DNMT3A: variants seen among roughly 807,000 people sequenced by gnomAD.
DNMT3A encodes DNA methyltransferase 3 alpha.
In DNMT3A, 267 loss-of-function variants were observed where a neutral mutation model predicts 117.6. The observed-to-expected ratio is 2.27, with a 90% CI of 2.05 to 2.51. The LOEUF is 2.51. DNMT3A is among the 30% of genes most tolerant of loss of function. DNMT3A has a pLI of 0.00. For synonymous variants in DNMT3A, 432 were observed against 474.8 expected, an observed-to-expected ratio of 0.91 and a Z score of 1.17; for missense variants, 1,029 against 1,260.2, an observed-to-expected ratio of 0.82 and a Z score of 2.78.
chr2:25,322,261 G>A (rs1327678194), intron 1 of DNMT3A, among the ~76,000 whole-genome samples: 2 of 152,052 alleles, frequency 1.3e-5, no homozygotes, highest in Admixed American at 1.3e-4. Flanking sequence ...ATGGGAGAAA[G>A]GGCTTACGTC....
rs977771391 is a variant in DNMT3A at position 25,229,363 on chromosome 2, C to A, written c.*4916G>T. On this transcript the variant is annotated 3_prime_UTR_variant, in exon 23 of 23. Transcript: ENST00000321117. ...AGGGCCATCCCAGCTCCAGACCATT[C>A]CTCCACTACACCTTTTCCACCCCCG... 1.3e-5 allele frequency: 2 copies of A among 152,324 alleles called. No homozygotes were observed. Among genetic ancestry groups the A allele is most frequent in the Non-Finnish European group, 2.9e-5 (2 of 68,106 alleles). The allele number at this position is 152,324 out of a possible 1,614,324, so 9.4% of individuals were successfully genotyped here. A position where few individuals can be genotyped will look rare whatever the true frequency, so the allele number is the denominator to read the frequency against.
chr2:25,314,932 A>G (rs1299681062), intron 1 of DNMT3A, among the ~76,000 whole-genome samples: 5 of 152,178 alleles, frequency 3.3e-5, no homozygotes, highest in African/African-American at 1.2e-4. Context: ...CCAGAGAAAT[A>G]ACAAAGCCTG....
At position 25,233,685 on chromosome 2, in the gene DNMT3A, C is replaced by T; in HGVS notation, c.*594G>A. ...CAGTGGCTGGGAGGGAATGCTGCCG[C>T]CTGAGTGTCTCTCTCTTTCCGTCCC... On this transcript the variant is annotated 3_prime_UTR_variant, in exon 23 of 23. Coordinates refer to ENST00000321117, the MANE Select transcript of DNMT3A (RefSeq NM_022552.5). 1 of 228,312 alleles carries T rather than the reference C, an allele frequency of 4.4e-6. No individual in the cohort carries two copies. Among genetic ancestry groups the T allele is most frequent in the Non-Finnish European group, 8.6e-6 (1 of 116,070 alleles). 14.1% of individuals were successfully genotyped at this position (228,312 alleles called of 1,614,324 possible).
At chr2:25,275,115 A>G in intron 5 of DNMT3A, 28 bp from the exon 6 acceptor site, 1 of 1,544,190 alleles carries the variant, frequency 6.5e-7, no homozygotes, top group Non-Finnish European at 8.7e-7. Flanking sequence ...ACATTAGGGC[A>G]TTAGGGTGGG....
At chr2:25,342,154 G>T (rs2035489136), upstream of DNMT3A, among the ~76,000 whole-genome samples, 1 of 145,116 alleles carries the variant, frequency 6.9e-6, no homozygotes, top group African/African-American at 2.5e-5. This position sits in a 1 kb window ranked among gnomAD's most constrained non-coding sequence, Gnocchi z 5.9. Context: ...GCCGGCCCGG[G>T]AGGCAGCGCC....
intron 1 of DNMT3A, among the ~76,000 whole-genome samples, chr2:25,321,073 C>T (rs941433715): frequency 4.6e-5 from 7 of 151,486 alleles, no homozygotes; most frequent in Middle Eastern, 3.4e-3. Flanking sequence ...GCGGAGGTTG[C>T]GGTGAGCGGA....
chr2:25,258,394 C>A (rs1268732273), intron 6 of DNMT3A, among the ~76,000 whole-genome samples: 1 of 152,204 alleles, frequency 6.6e-6, no homozygotes, highest in Non-Finnish European at 1.5e-5. Flanking sequence ...GGTTTTAGAA[C>A]CTGTAAGCGA....
rs1434800128 is a variant in DNMT3A, at chr2:25,298,737, C to T, written c.177+1402G>A. ...AGCCCCGTGTTATTTTTCAACATCA[C>T]GTGAATTTTTCATTCCAGAATGAAT... is the stretch of plus-strand genomic sequence containing the variant. On this transcript the variant is annotated intron_variant, in intron 3 of 22. Transcript: ENST00000321117. This position sits in a 1 kb window ranked among gnomAD's most constrained non-coding sequence, Gnocchi z 4.3. 2.0e-5 allele frequency among the ~76,000 whole-genome samples: 3 copies of T among 152,200 alleles called. No homozygotes were observed. Among genetic ancestry groups the T allele is most frequent in the African/African-American group, 4.8e-5 (2 of 41,434 alleles).
intron 17 of DNMT3A, 119 bp downstream of exon 17, chr2:25,241,442 TG>T: frequency 7.4e-7 from 1 of 1,350,748 alleles, no homozygotes; most frequent in Non-Finnish European, 9.9e-7. Flanking sequence ...AAAAAGAGGC[TG>T]GGGCAAAGGG....
At chr2:25,318,375 C>G (rs913944570) in intron 1 of DNMT3A, among the ~76,000 whole-genome samples, 1 of 152,138 alleles carries the variant, frequency 6.6e-6, no homozygotes, top group Non-Finnish European at 1.5e-5. Context: ...CAACCTCCGC[C>G]TCCTGGGTTC....
chr2:25,303,350 C>T (rs901558454), intron 2 of DNMT3A, among the ~76,000 whole-genome samples: 1 of 152,260 alleles, frequency 6.6e-6, no homozygotes, highest in Non-Finnish European at 1.5e-5. Flanking sequence ...CCCCGACAGG[C>T]CACCCCTCTG....
In DNMT3A at chr2:25,234,489, C is replaced by A; in HGVS notation, c.2598-69G>T. On this transcript the variant is annotated intron_variant, in intron 22 of 22. Transcript: ENST00000321117. This position sits in a 1 kb window ranked among gnomAD's most constrained non-coding sequence, Gnocchi z 4.5. ...ACCAGGCTGCCCGGAAGCCGTCTAA[C>A]CACACAGCAGGACCCGGAGGACCAG... 1 of 1,536,592 alleles carries A rather than the reference C, an allele frequency of 6.5e-7. No homozygotes were observed. Among genetic ancestry groups the A allele is most frequent in the South Asian group, 1.3e-5 (1 of 79,172 alleles).
chr2:25,288,721 T>C (rs763587835), intron 3 of DNMT3A, among the ~76,000 whole-genome samples: 2 of 152,250 alleles, frequency 1.3e-5, no homozygotes, highest in Non-Finnish European at 2.9e-5. Flanking sequence ...ATACAACCTT[T>C]ACCCCCATCC....
intron 6 of DNMT3A, among the ~76,000 whole-genome samples, chr2:25,273,721 G>A (rs925666642): frequency 2.1e-4 from 32 of 151,884 alleles, no homozygotes; most frequent in African/African-American, 6.8e-4. Flanking sequence ...CCACCTCCCC[G>A]ACCCCCACAG....
chr2:25,303,614 G>A (rs957143635), intron 2 of DNMT3A, among the ~76,000 whole-genome samples: 5 of 152,346 alleles, frequency 3.3e-5, no homozygotes, highest in South Asian at 4.1e-4. Context: ...TTCAGGCCCC[G>A]CATGCTTCTG....
Position 25,293,814 on chromosome 2 carries a change from A to G in DNMT3A, c.177+6325T>C, listed in dbSNP as rs2032927633. Among the ~76,000 whole-genome samples the G allele has an allele frequency of 6.6e-6, 1 of 152,192 alleles. No homozygotes were observed. The highest frequency in any genetic ancestry group is 1.5e-5 in the Non-Finnish European group (1 of 68,038). The stretch of plus-strand genomic sequence containing the variant: ...CAGCCTCCTGGGCAGCTGGGACCAC[A>G]GGTATGTGCCACCACATTCGGCTTT... On this transcript the variant is annotated intron_variant, in intron 3 of 22. Transcript: ENST00000321117. This position sits in a 1 kb window ranked among gnomAD's most constrained non-coding sequence, Gnocchi z 4.7.
At chr2:25,333,047 G>C (rs996401359) in intron 1 of DNMT3A, among the ~76,000 whole-genome samples, 1 of 152,212 alleles carries the variant, frequency 6.6e-6, no homozygotes, top group Non-Finnish European at 1.5e-5. Flanking sequence ...ACTCTGAAGA[G>C]ATCAAAAAAG....
At position 25,286,323 on chromosome 2, in the gene DNMT3A, C is replaced by A. The variant is rs936865388; in HGVS notation, c.178-3612G>T. Among the ~76,000 whole-genome samples the A allele has an allele frequency of 6.6e-6, 1 of 152,240 alleles. No homozygotes were observed. Among genetic ancestry groups the A allele is most frequent in the South Asian group, 2.1e-4 (1 of 4,834 alleles). ...CCCCAGTCTGCAACAGCACCAGATG[C>A]GCCATTCTCCCAGAGATGCCCCCAA... On this transcript the variant is annotated intron_variant, in intron 3 of 22. Coordinates refer to ENST00000321117, the MANE Select transcript of DNMT3A (RefSeq NM_022552.5). The surrounding 1 kb of genome is among the most constrained non-coding windows in gnomAD (Gnocchi z 4.3).
rs1392473051 is a variant in DNMT3A at position 25,230,730 on chromosome 2, G to A, written c.*3549C>T. 1 of 132,008 alleles carries A rather than the reference G, an allele frequency of 7.6e-6. No homozygotes were observed. The highest frequency in any genetic ancestry group is 1.5e-5 in the Non-Finnish European group (1 of 64,738). 8.2% of individuals were successfully genotyped at this position (132,008 alleles called of 1,614,324 possible). A position where few individuals can be genotyped will look rare whatever the true frequency, so the allele number is the denominator to read the frequency against. On this transcript the variant is annotated 3_prime_UTR_variant, in exon 23 of 23. Coordinates refer to ENST00000321117, the MANE Select transcript of DNMT3A (RefSeq NM_022552.5). ...CACACTCTCCTAAATTCTACTGTGA[G>A]ACCAAGCACACAGGCTGGGCCGGAA...
Sources: gnomAD v4.1 joint callset for allele counts (sites outside exome capture counted in the v4.1 genomes callset) on GRCh38, gnomAD v4.1.1 for gene constraint, Gnocchi (gnomAD v3.1) non-coding constraint, MANE v1.5 for transcripts, NCBI Gene and HGNC (gene_info 2026-07-23, HGNC 2026-07-21) for gene names.